The following EEF2KMT variants were observed in gnomAD, a reference collection of about 807,000 sequenced individuals.
EEF2KMT encodes the protein protein-lysine N-methyltransferase EEF2KMT.
Under a neutral mutation model 35.1 loss-of-function variants are expected in EEF2KMT, and 30 were observed. The observed-to-expected ratio is 0.85, with a 90% CI of 0.64 to 1.16. The LOEUF (loss-of-function observed/expected upper bound fraction) is 1.16. Among genes scored for constraint, EEF2KMT ranks in the 50% most tolerant of loss-of-function variants. The pLI, the probability that EEF2KMT is intolerant of heterozygous loss-of-function variation, is 0.00. For synonymous variants in EEF2KMT, 190 were observed against 187.7 expected, an observed-to-expected ratio of 1.01 and a Z score of -0.10; for missense variants, 499 against 438.2, an observed-to-expected ratio of 1.14 and a Z score of -1.24.
chr16:5,090,170 G>T lies in EEF2KMT; in HGVS notation c.656C>A (p.Pro219His). 1 of 1,611,636 alleles carries T rather than the reference G, an allele frequency of 6.2e-7. No homozygotes were observed. The highest frequency in any genetic ancestry group is 8.5e-7 in the Non-Finnish European group (1 of 1,179,848). The change falls in exon 6 of 8, where the codon CCC becomes CAC. Residue 219 changes from proline (P) to histidine (H), a missense_variant. Physicochemically the swap from Pro to His is moderately conservative, Grantham distance 77. Transcript: ENST00000427587. The surrounding 1 kb of genome is among the most constrained non-coding windows in gnomAD (Gnocchi z 4.1). ...EADITAKLDS[P>H]RVTVAQLDWD... ...GTCCAGCTGGGCCACTGTCACCCTG[G>T]GGCTGTCTAACTTGGCAGTGATGTC... is the stretch of plus-strand genomic sequence containing the variant.
intron 7 of EEF2KMT, chr16:5,086,944 G>A (rs553727202): frequency 2.6e-5 from 4 of 152,340 alleles, no homozygotes; most frequent in African/African-American, 9.6e-5. Flanking sequence ...GCCTCTTACA[G>A]TGTTGGGATT....
intron 1 of EEF2KMT, among the ~76,000 whole-genome samples, chr16:5,096,647 G>C (rs915256918): frequency 1.3e-5 from 2 of 152,190 alleles, no homozygotes; most frequent in Non-Finnish European, 2.9e-5. Flanking sequence ...GGCTGGGCCA[G>C]GATTCGAAGC....
rs1369656358 is a variant in EEF2KMT, at chr16:5,097,707, G to A, written c.33C>T (p.Leu11=). 3.8e-6 allele frequency: 6 copies of A among 1,578,528 alleles called. No homozygotes were observed. The highest frequency in any genetic ancestry group is 1.1e-5 in the South Asian group (1 of 87,074). ...AGCGGCGCTCGAAACTCTGCAGCAA[G>A]AGTTCGGTCCCCGCGTTCTCCTCGG... MAPEENAGTE[L]LLQSFERRFL... is the part of the protein sequence containing the mutation. Residue 11 remains leucine, a synonymous_variant, in exon 1 of 8, where the codon CTC becomes CTT. Coordinates refer to ENST00000427587, the MANE Select transcript of EEF2KMT (RefSeq NM_201400.4).
Position 5,093,521 on chromosome 16 carries a change from T to C in EEF2KMT, c.203A>G (p.Lys68Arg), listed in dbSNP as rs1957387397. 6.2e-7 allele frequency: 1 copy of C among 1,612,000 alleles called. No homozygotes were observed. The highest frequency in any genetic ancestry group is 1.7e-5 in the Admixed American group (1 of 60,024). ...PVCVKHPPSV[K>R]YARCFLSELI... ...TTCTGAGAGAAAGCACCGGGCATAT[T>C]TGACGGACGGCGGGTGCTTCACACA... is the stretch of plus-strand genomic sequence containing the variant. The change falls in exon 3 of 8, where the codon AAA becomes AGA. Residue 68 changes from lysine (K) to arginine (R), a missense_variant. Transcript: ENST00000427587.
chr16:5,095,347 G>C (rs867959470), intron 2 of EEF2KMT, 105 bp downstream of exon 2: 2 of 1,567,070 alleles, frequency 1.3e-6, no homozygotes, highest in African/African-American at 1.4e-5. Context: ...TTTTTGAACA[G>C]GGGTGTTTTT....
chr16:5,090,461 G>A lies in EEF2KMT; in HGVS notation c.447C>T (p.Ala149=), dbSNP rs770324836. 5 of 1,611,988 alleles carry A rather than the reference G, an allele frequency of 3.1e-6. No homozygotes were observed. The highest frequency in any genetic ancestry group is 4.2e-6 in the Non-Finnish European group (5 of 1,179,854). Residue 149 remains alanine, a synonymous_variant, in exon 5 of 8, where the codon GCC becomes GCT. Transcript: ENST00000427587. The surrounding 1 kb of genome is among the most constrained non-coding windows in gnomAD (Gnocchi z 4.1). ...TAGTGAAGACTGCCGGGTTCTCGAT[G>A]GCCCATTCTGCAAGGTAGAGGGCGG... ...WDAALYLAEW[A]IENPAVFTNR... is the part of the protein sequence containing the mutation.
intron 7 of EEF2KMT, chr16:5,086,508 G>C (rs1957178184): frequency 6.6e-6 from 1 of 152,030 alleles, no homozygotes; most frequent in Admixed American, 6.5e-5. Flanking sequence ...GAGTGCAGTG[G>C]CACAGTCATT....
At chr16:5,096,716 T>C (rs2142789653) in intron 1 of EEF2KMT, among the ~76,000 whole-genome samples, 1 of 152,252 alleles carries the variant, frequency 6.6e-6, no homozygotes, top group East Asian at 1.9e-4. Flanking sequence ...AAACAATCCC[T>C]CTGGTCAAAT....
intron 6 of EEF2KMT, 86 bp from the exon 7 acceptor site, chr16:5,089,342 G>C: frequency 1.3e-6 from 2 of 1,558,350 alleles, no homozygotes; most frequent in Non-Finnish European, 1.7e-6. Flanking sequence ...AGGCCAGAGA[G>C]GCAGCGGTCA....
intron 7 of EEF2KMT, among the ~76,000 whole-genome samples, chr16:5,088,454 C>T (rs1341692499): frequency 2.6e-5 from 4 of 152,054 alleles, no homozygotes; most frequent in Non-Finnish European, 5.9e-5. Context: ...GGGGCAAAGG[C>T]TGGTGGCACT....
At position 5,090,046 on chromosome 16, in the gene EEF2KMT, G is replaced by A. The variant is rs1957307021; in HGVS notation, c.742+38C>T. The A allele has an allele frequency of 6.3e-7, 1 of 1,598,890 alleles. No individual in the cohort carries two copies. Among genetic ancestry groups the A allele is most frequent in the Non-Finnish European group, 8.5e-7 (1 of 1,179,696 alleles). On this transcript the variant is annotated intron_variant, in intron 6 of 7. Coordinates refer to ENST00000427587, the MANE Select transcript of EEF2KMT (RefSeq NM_201400.4). The surrounding 1 kb of genome is among the most constrained non-coding windows in gnomAD (Gnocchi z 4.1). ...GCCAAGAGCTGGGTAGAGCTGCAAG[G>A]ACACCACCTGCACAGGGTGCCCGGG... is the stretch of plus-strand genomic sequence containing the variant.
intron 1 of EEF2KMT, among the ~76,000 whole-genome samples, chr16:5,096,278 C>G (rs2334155): frequency 6.6e-6 from 1 of 152,212 alleles, no homozygotes; most frequent in Non-Finnish European, 1.5e-5. Context: ...CTTCCCAGTT[C>G]CCGCATTCAC....
In EEF2KMT at chr16:5,084,566, A is replaced by C. The variant is rs531888224; in HGVS notation, c.*1066T>G. 2.3e-4 allele frequency: 230 copies of C among 979,400 alleles called. 1 individual carries two copies. Among genetic ancestry groups the C allele is most frequent in the Middle Eastern group, 6.2e-4 (2 of 3,220 alleles). The allele number at this position is 979,400 out of a possible 1,614,324, so 60.7% of individuals were successfully genotyped here. A position where few individuals can be genotyped will look rare whatever the true frequency, so the allele number is the denominator to read the frequency against. ...GTGGGACATGCGGGGAAGTTTCCAG[A>C]AACTGTGATGTCAAGTTGGAGGCGG... On this transcript the variant is annotated 3_prime_UTR_variant, in exon 8 of 8. Transcript: ENST00000427587.
intron 1 of EEF2KMT, among the ~76,000 whole-genome samples, chr16:5,097,024 TG>T (rs1957484243): frequency 6.6e-6 from 1 of 152,082 alleles, no homozygotes; most frequent in Admixed American, 6.5e-5. Context: ...TCACCGCACA[TG>T]AATTACAAAT....
chr16:5,097,155 C>T (rs1470682268), intron 1 of EEF2KMT: 23 of 508,074 alleles, frequency 4.5e-5, no homozygotes, highest in Non-Finnish European at 6.5e-5. Flanking sequence ...CTGTCTCTTC[C>T]ATCACAGGCG....
intron 3 of EEF2KMT, among the ~76,000 whole-genome samples, chr16:5,092,968 A>T (rs574534625): frequency 3.4e-4 from 52 of 152,258 alleles, no homozygotes; most frequent in African/African-American, 1.2e-3. Flanking sequence ...TCAAAAAAAT[A>T]AATAAATAAG....
At chr16:5,088,974 C>T (rs1260987407) in intron 7 of EEF2KMT, 133 bp downstream of exon 7, 3 of 1,582,274 alleles carry the variant, frequency 1.9e-6, no homozygotes, top group East Asian at 2.2e-5. Flanking sequence ...CTGGCCTCTG[C>T]CTGAGTTCCC....
Position 5,090,001 on chromosome 16 carries a change from C to A in EEF2KMT, c.742+83G>T, listed in dbSNP as rs930940696. 4 of 1,579,648 alleles carry A rather than the reference C, an allele frequency of 2.5e-6. No individual in the cohort carries two copies. Among genetic ancestry groups the A allele is most frequent in the Non-Finnish European group, 2.6e-6 (3 of 1,170,854 alleles). ...CATCATGTCCATGCCCGACAGCGTC[C>A]ATTGTTCCCTTTTCCCAGAGCCAAG... On this transcript the variant is annotated intron_variant, in intron 6 of 7. Coordinates refer to ENST00000427587, the MANE Select transcript of EEF2KMT (RefSeq NM_201400.4). This position sits in a 1 kb window ranked among gnomAD's most constrained non-coding sequence, Gnocchi z 4.1.
intron 2 of EEF2KMT, 44 bp from the exon 3 acceptor site, chr16:5,093,608 A>C: frequency 1.3e-6 from 2 of 1,599,382 alleles, no homozygotes; most frequent in Non-Finnish European, 1.7e-6. Context: ...AGCCCGTCTT[A>C]AGTCTCCTAT....
Sources: allele counts gnomAD v4.1 joint callset (sites outside exome capture counted in the v4.1 genomes callset), GRCh38; gene constraint gnomAD v4.1.1; non-coding constraint Gnocchi (gnomAD v3.1); transcripts MANE v1.5; gene names NCBI Gene and HGNC (gene_info 2026-07-23, HGNC 2026-07-21).